Variants in FER observed in about 807,000 individuals in gnomAD.
FER encodes the protein tyrosine-protein kinase Fer.
In FER, 63 loss-of-function variants were observed where a neutral mutation model predicts 111.0. The observed-to-expected ratio is 0.57, with a 90% CI of 0.46 to 0.70. The LOEUF (loss-of-function observed/expected upper bound fraction) is 0.70, where lower values mean the gene tolerates loss of function less well. Among genes scored for constraint, FER ranks in the 30% least tolerant of loss-of-function variants. FER has a pLI of 0.00. For missense variants in FER, 914 were observed against 954.0 expected (o/e 0.96, Z 0.55); for synonymous variants, 327 against 313.9 (o/e 1.04, Z -0.44).
chr5:108,953,540 T>C (rs1581373334), intron 11 of FER, among the ~76,000 whole-genome samples: 1 of 152,028 alleles, frequency 6.6e-6, no homozygotes, highest in East Asian at 1.9e-4. Context: ...TTTGTTCTTT[T>C]AACCAACAGA....
chr5:108,967,215 A>G (rs1444015616), intron 13 of FER, among the ~76,000 whole-genome samples: 1 of 152,180 alleles, frequency 6.6e-6, no homozygotes, highest in Non-Finnish European at 1.5e-5. Flanking sequence ...GCGTCCAAGA[A>G]GAATAAGGAT....
intron 17 of FER, among the ~76,000 whole-genome samples, chr5:109,135,738 TCCTTACCCTTTGACCTTATTCCTTTGA>T (rs1484246108): frequency 2.0e-5 from 3 of 152,168 alleles, no homozygotes; most frequent in Non-Finnish European, 4.4e-5. Context: ...TTGGCCTGAT[TCCTTACCCTTTGACCTTATTCCTTTGA>T]CTTTACCAGT....
chr5:108,839,646 C>A (rs6889965), intron 5 of FER, among the ~76,000 whole-genome samples: 26 of 144,574 alleles, frequency 1.8e-4, no homozygotes, highest in African/African-American at 5.9e-4. Context: ...GGCGCTGTCT[C>A]GGCTCACTGC....
chr5:109,124,587 TTTGTTGTTGTTG>T (rs148987260), intron 17 of FER, among the ~76,000 whole-genome samples: 24 of 150,172 alleles, frequency 1.6e-4, no homozygotes, highest in African/African-American at 3.7e-4. Context: ...TTTTAATAGT[TTTGTTGTTGTTG>T]TTGTTGTTGT....
At chr5:108,825,313 C>G (rs918580905) in intron 3 of FER, among the ~76,000 whole-genome samples, 2 of 152,102 alleles carry the variant, frequency 1.3e-5, no homozygotes, top group Non-Finnish European at 2.9e-5. Context: ...CCCCGGGGGG[C>G]CCAGTTCAGA....
intron 13 of FER, among the ~76,000 whole-genome samples, chr5:108,983,293 C>T (rs897445081): frequency 1.3e-5 from 2 of 152,048 alleles, no homozygotes; most frequent in African/African-American, 4.8e-5. Context: ...AAGATTTATA[C>T]TTAGACCATA....
chr5:108,951,422 C>T (rs1757730096), intron 11 of FER, among the ~76,000 whole-genome samples: 1 of 152,016 alleles, frequency 6.6e-6, no homozygotes, highest in African/African-American at 2.4e-5. Flanking sequence ...AATCTAGTGC[C>T]TTAGACCACT....
rs1189663686 is a variant in FER, at chr5:108,945,671, TA to T, written c.1237-453del. ...TAGGTACTGAAGTGAAATTCACCTT[TA>T]AAAAATGTGTTCCATATACTTTTAT... On this transcript the variant is annotated intron_variant, in intron 10 of 19. Transcript: ENST00000281092. Among the ~76,000 whole-genome samples the T allele has an allele frequency of 2.6e-5, 4 of 151,910 alleles. 1 individual carries two copies. The highest frequency in any genetic ancestry group is 9.7e-5 in the African/African-American group (4 of 41,378).
chr5:108,884,856 G>C (rs1221237605), intron 9 of FER, among the ~76,000 whole-genome samples: 1 of 151,988 alleles, frequency 6.6e-6, no homozygotes, highest in Non-Finnish European at 1.5e-5. Flanking sequence ...GTAGCTCTAA[G>C]ATCACAATGA....
intron 5 of FER, among the ~76,000 whole-genome samples, chr5:108,854,932 G>A (rs1269353873): frequency 9.1e-6 from 1 of 109,354 alleles, no homozygotes; most frequent in African/African-American, 3.6e-5. Flanking sequence ...TGACAGAGCA[G>A]CAAGACCCTG....
chr5:108,865,965 G>A (rs1052125142), intron 5 of FER, among the ~76,000 whole-genome samples: 1 of 152,176 alleles, frequency 6.6e-6, no homozygotes, highest in Non-Finnish European at 1.5e-5. Context: ...TGGAGAAATA[G>A]GAACACTTTT....
intron 9 of FER, among the ~76,000 whole-genome samples, chr5:108,893,314 A>C (rs1748477777): frequency 6.6e-6 from 1 of 151,718 alleles, no homozygotes; most frequent in Non-Finnish European, 1.5e-5. Flanking sequence ...TTTTTCTAAA[A>C]GTTTAATAGT....
At chr5:108,851,438 T>C (rs1328196687) in intron 5 of FER, among the ~76,000 whole-genome samples, 1 of 152,142 alleles carries the variant, frequency 6.6e-6, no homozygotes, top group East Asian at 1.9e-4. Context: ...TCCCACAACA[T>C]GTGGGAATTC....
intron 1 of FER, among the ~76,000 whole-genome samples, chr5:108,755,643 G>A (rs1262204470): frequency 1.3e-5 from 2 of 151,588 alleles, no homozygotes; most frequent in African/African-American, 2.4e-5. Context: ...GCACCACCAC[G>A]CCCGGCTAAT....
At chr5:108,969,647 G>A (rs1760370336) in intron 13 of FER, among the ~76,000 whole-genome samples, 1 of 138,414 alleles carries the variant, frequency 7.2e-6, no homozygotes, top group Non-Finnish European at 1.5e-5. Context: ...CTATTCAAAA[G>A]GTAAGATTAA....
At chr5:109,117,275 A>C (rs1349861016) in intron 17 of FER, among the ~76,000 whole-genome samples, 1 of 152,162 alleles carries the variant, frequency 6.6e-6, no homozygotes, top group Non-Finnish European at 1.5e-5. Context: ...AAATCATTGT[A>C]TAAGATTCTG....
chr5:109,127,464 C>T (rs1233763729), intron 17 of FER, among the ~76,000 whole-genome samples: 2 of 152,028 alleles, frequency 1.3e-5, no homozygotes, highest in South Asian at 2.1e-4. Flanking sequence ...AGTGCAGTGA[C>T]GTGATCTCGG....
At chr5:109,153,989 A>C (rs1755110977) in intron 17 of FER, among the ~76,000 whole-genome samples, 1 of 151,844 alleles carries the variant, frequency 6.6e-6, no homozygotes, top group Non-Finnish European at 1.5e-5. Flanking sequence ...ATTCTCAGCG[A>C]TCTTTCTCAA....
chr5:109,129,216 T>G (rs1752083929), intron 17 of FER, among the ~76,000 whole-genome samples: 1 of 152,048 alleles, frequency 6.6e-6, no homozygotes, highest in Non-Finnish European at 1.5e-5. Flanking sequence ...GAATTCCGGG[T>G]GGAGAATCTT....
Sources: allele counts gnomAD v4.1 joint callset (sites outside exome capture counted in the v4.1 genomes callset), GRCh38; gene constraint gnomAD v4.1.1; transcripts MANE v1.5; gene names NCBI Gene and HGNC (gene_info 2026-07-23, HGNC 2026-07-21).